The following CNTLN variants were observed in gnomAD, a reference collection of about 807,000 sequenced individuals.
The protein encoded by CNTLN is centlein, centrosomal protein.
Under a neutral mutation model 180.0 loss-of-function variants are expected in CNTLN, and 212 were observed. That is an observed-to-expected ratio of 1.18 (90% CI 1.05 to 1.32). The LOEUF is 1.32. Ranked by LOEUF, CNTLN falls within the 40% of genes most tolerant of loss-of-function variation. The pLI is 0.00. For missense variants in CNTLN, 2,095 were observed against 1,610.9 expected (o/e 1.30, Z -5.14); for synonymous variants, 722 against 563.1 (o/e 1.28, Z -3.99).
chr9:17,141,660 A>T (rs1344250154), intron 1 of CNTLN, among the ~76,000 whole-genome samples: 2 of 152,222 alleles, frequency 1.3e-5, no homozygotes, highest in African/African-American at 4.8e-5. Context: ...ATAGCTGGGC[A>T]AGAGACGGAA....
chr9:17,515,553 A>T, the CNTLN span, among the ~76,000 whole-genome samples: 1 of 152,056 alleles, frequency 6.6e-6, no homozygotes, highest in African/African-American at 2.4e-5. Context: ...CTGCATTCCT[A>T]TCACTCCCCC....
chr9:17,237,992 T>C (rs1021980675), intron 5 of CNTLN, among the ~76,000 whole-genome samples: 4 of 152,176 alleles, frequency 2.6e-5, no homozygotes, highest in Non-Finnish European at 5.9e-5. Flanking sequence ...GGTAAATCAG[T>C]ACTTGTATTA....
At chr9:17,189,640 C>A (rs769454323) in intron 2 of CNTLN, among the ~76,000 whole-genome samples, 2 of 151,402 alleles carry the variant, frequency 1.3e-5, no homozygotes, top group Non-Finnish European at 2.9e-5. Flanking sequence ...CCCACCATCA[C>A]ACCTGACTAA....
At chr9:17,295,995 AGAGTGTGTGTGTGTGTGT>A (rs1257814441) in intron 6 of CNTLN, among the ~76,000 whole-genome samples, 7 of 84,954 alleles carry the variant, frequency 8.2e-5, no homozygotes, top group African/African-American at 3.5e-4. Flanking sequence ...AGAGAGAGAG[AGAGTGTGTGTGTGTGTGT>A]GTGTGTGTGT....
At chr9:17,400,193 A>C (rs142054309) in intron 15 of CNTLN, among the ~76,000 whole-genome samples, 5,470 of 152,122 alleles carry the variant, frequency 0.036, 166 homozygotes, top group East Asian at 0.17. Flanking sequence ...GCTGGAGTGC[A>C]ATGGCGTGGT....
chr9:17,346,950 A>C (rs1821946883), intron 12 of CNTLN, among the ~76,000 whole-genome samples: 1 of 152,222 alleles, frequency 6.6e-6, no homozygotes, highest in East Asian at 1.9e-4. Context: ...CAGATTTGGT[A>C]ATTTCTATTG....
At chr9:17,492,384 G>A (rs1833213060) in intron 25 of CNTLN, among the ~76,000 whole-genome samples, 1 of 151,888 alleles carries the variant, frequency 6.6e-6, no homozygotes, top group East Asian at 1.9e-4. Context: ...CTAAAATTAA[G>A]TCTCAACCAA....
chr9:17,521,683 C>A, the CNTLN span, among the ~76,000 whole-genome samples: 1 of 152,068 alleles, frequency 6.6e-6, no homozygotes, highest in Middle Eastern at 3.2e-3. Context: ...CACAACTTTG[C>A]AGGTGAGAGA....
At chr9:17,193,587 A>G (rs1821928146) in intron 2 of CNTLN, among the ~76,000 whole-genome samples, 1 of 152,210 alleles carries the variant, frequency 6.6e-6, no homozygotes, top group South Asian at 2.1e-4. Context: ...GGTCTTGGGC[A>G]GCTCTGCACC....
intron 18 of CNTLN, among the ~76,000 whole-genome samples, chr9:17,434,929 C>T (rs2134003415): frequency 6.6e-6 from 1 of 152,180 alleles, no homozygotes; most frequent in African/African-American, 2.4e-5. Context: ...TTCAAATTAG[C>T]ATATCCCTAT....
At chr9:17,174,310 T>C (rs1820583658) in intron 2 of CNTLN, among the ~76,000 whole-genome samples, 1 of 152,198 alleles carries the variant, frequency 6.6e-6, no homozygotes, top group Non-Finnish European at 1.5e-5. Flanking sequence ...GTGTACATAC[T>C]TTTTTGTTGT....
intron 15 of CNTLN, among the ~76,000 whole-genome samples, chr9:17,399,662 A>G (rs1400766621): frequency 6.6e-6 from 1 of 152,182 alleles, no homozygotes; most frequent in African/African-American, 2.4e-5. Flanking sequence ...GATGATAACA[A>G]CTGATGGGGT....
In CNTLN at chr9:17,263,967, C is replaced by T. The variant is rs1056801924; in HGVS notation, c.850-9766C>T. On this transcript the variant is annotated intron_variant, in intron 5 of 25. Coordinates refer to ENST00000380647, the MANE Select transcript of CNTLN (RefSeq NM_017738.4). Reference sequence around the variant, plus strand: ...AGCCCTTTGTCAGATGAGTAGGTTGCGAAAATTTTCTCCCATTTTGTAGGT... The same window carrying T: ...AGCCCTTTGTCAGATGAGTAGGTTGTGAAAATTTTCTCCCATTTTGTAGGT... Among the ~76,000 whole-genome samples, 80 of 143,016 alleles carry T rather than the reference C, an allele frequency of 5.6e-4. 2 individuals carry two copies. The East Asian group carries it at 0.013, about 23-fold the overall frequency. 93.8% of individuals were successfully genotyped at this position (143,016 alleles called of 152,430 possible).
chr9:17,299,704 C>A (rs1242973187), intron 7 of CNTLN: 1 of 985,218 alleles, frequency 1.0e-6, no homozygotes, highest in Non-Finnish European at 1.2e-6. Flanking sequence ...GTTTCTAAAG[C>A]ACGTTCCATT....
chr9:17,428,033 A>G (rs1344762095), intron 18 of CNTLN, among the ~76,000 whole-genome samples: 1 of 152,192 alleles, frequency 6.6e-6, no homozygotes, highest in Non-Finnish European at 1.5e-5. Context: ...ATAATTAAAG[A>G]TTACAGAGAG....
intron 12 of CNTLN, among the ~76,000 whole-genome samples, chr9:17,346,378 C>T (rs1286904742): frequency 6.6e-6 from 1 of 152,098 alleles, no homozygotes; most frequent in Non-Finnish European, 1.5e-5. Flanking sequence ...CAGTCACCTC[C>T]CACTAGGTCT....
At chr9:17,242,304 G>GTT (rs536610326) in intron 5 of CNTLN, among the ~76,000 whole-genome samples, 2 of 134,916 alleles carry the variant, frequency 1.5e-5, no homozygotes, top group Non-Finnish European at 3.1e-5. Flanking sequence ...TGATCATGTG[G>GTT]TTTTTTTTTT....
intron 23 of CNTLN, among the ~76,000 whole-genome samples, chr9:17,480,912 A>C (rs767724375): frequency 7.9e-5 from 12 of 152,234 alleles, no homozygotes; most frequent in South Asian, 2.1e-4. Flanking sequence ...AAGGAGAAGT[A>C]CATAGGAATC....
intron 6 of CNTLN, among the ~76,000 whole-genome samples, chr9:17,294,429 C>G (rs1345153057): frequency 6.6e-6 from 1 of 151,152 alleles, no homozygotes; most frequent in Non-Finnish European, 1.5e-5. Flanking sequence ...TCTCCAAGTC[C>G]CACTAGATTC....
Sources: gnomAD v4.1 joint callset for allele counts (sites outside exome capture counted in the v4.1 genomes callset) on GRCh38, gnomAD v4.1.1 for gene constraint, MANE v1.5 for transcripts, NCBI Gene and HGNC (gene_info 2026-07-23, HGNC 2026-07-21) for gene names.